Variants in LDLRAD3 observed in about 807,000 individuals in gnomAD.
LDLRAD3 encodes low-density lipoprotein receptor class A domain-containing protein 3.
LDLRAD3 carries 20 observed loss-of-function variants against 29.4 expected under a neutral mutation model. The observed-to-expected ratio is 0.68, with a 90% CI of 0.48 to 0.99. The LOEUF (loss-of-function observed/expected upper bound fraction) is 0.99. Ranked by LOEUF, LDLRAD3 falls within the 50% of genes least tolerant of loss-of-function variation. LDLRAD3 has a pLI of 0.00. For missense variants in LDLRAD3, 420 were observed against 454.3 expected (o/e 0.92, Z 0.69); for synonymous variants, 157 against 192.7 (o/e 0.81, Z 1.53).
chr11:36,215,122 T>C (rs1590362353), intron 4 of LDLRAD3, among the ~76,000 whole-genome samples: 1 of 152,018 alleles, frequency 6.6e-6, no homozygotes, highest in Non-Finnish European at 1.5e-5. Context: ...CCCTGGAAGG[T>C]CGTGCTAAGC....
intron 1 of LDLRAD3, among the ~76,000 whole-genome samples, chr11:35,963,325 A>T (rs1487068578): frequency 5.9e-5 from 9 of 152,116 alleles, no homozygotes; most frequent in Non-Finnish European, 1.5e-5. Context: ...TAAAAAAAAT[A>T]TCAAAGAACT....
intron 1 of LDLRAD3, among the ~76,000 whole-genome samples, chr11:36,022,595 T>G (rs1387259365): frequency 1.3e-5 from 2 of 152,142 alleles, no homozygotes; most frequent in Admixed American, 1.3e-4. Flanking sequence ...GTTTTATATA[T>G]AAGGAAACTG....
At chr11:36,141,006 C>CTCTCTCTCTCTCTCTT (rs1854076612) in intron 4 of LDLRAD3, among the ~76,000 whole-genome samples, 1 of 143,176 alleles carries the variant, frequency 7.0e-6, no homozygotes, top group Non-Finnish European at 1.5e-5. Context: ...CTCTCTCTCT[C>CTCTCTCTCTCTCTCTT]TCTCTCTCTC....
Position 36,229,602 on chromosome 11 carries a change from T to A in LDLRAD3, c.*205T>A. The A allele has an allele frequency of 3.7e-6, 2 of 535,790 alleles. No individual in the cohort carries two copies. Among genetic ancestry groups the A allele is most frequent in the Non-Finnish European group, 6.6e-6 (2 of 301,482 alleles). The allele number at this position is 535,790 out of a possible 1,614,324, so 33.2% of individuals were successfully genotyped here. On this transcript the variant is annotated 3_prime_UTR_variant, in exon 6 of 6. Transcript: ENST00000315571. Reference sequence around the variant, plus strand: ...CTCAGTTGACATGATCTGTTGTGCGTCTTTTCTGTCAGGTCACTCTTCCCT... The same window carrying A: ...CTCAGTTGACATGATCTGTTGTGCGACTTTTCTGTCAGGTCACTCTTCCCT...
At chr11:36,131,838 A>C (rs992319324) in intron 4 of LDLRAD3, among the ~76,000 whole-genome samples, 3 of 152,142 alleles carry the variant, frequency 2.0e-5, no homozygotes, top group African/African-American at 7.2e-5. Flanking sequence ...CATTGAACCC[A>C]CCTGGGGCCT....
At chr11:36,007,405 C>T (rs1279627165) in intron 1 of LDLRAD3, among the ~76,000 whole-genome samples, 2 of 152,154 alleles carry the variant, frequency 1.3e-5, no homozygotes, top group Non-Finnish European at 2.9e-5. Context: ...TGGAGAGACT[C>T]ATCACTTAAG....
chr11:36,061,111 T>G (rs754175576), intron 2 of LDLRAD3, among the ~76,000 whole-genome samples: 1 of 152,138 alleles, frequency 6.6e-6, no homozygotes, highest in Non-Finnish European at 1.5e-5. Flanking sequence ...GTCTTCTTCC[T>G]CTTCCTCATT....
chr11:36,201,439 T>A (rs551604600), intron 4 of LDLRAD3, among the ~76,000 whole-genome samples: 1 of 152,346 alleles, frequency 6.6e-6, no homozygotes, highest in Non-Finnish European at 1.5e-5. Flanking sequence ...GTAGTGGGAT[T>A]TTTTTGTTGT....
At chr11:35,946,555 C>G (rs937486071) in intron 1 of LDLRAD3, among the ~76,000 whole-genome samples, 25 of 152,150 alleles carry the variant, frequency 1.6e-4, no homozygotes, top group African/African-American at 5.6e-4. Context: ...AGACTAAGCC[C>G]AAGTCATGTC....
intron 4 of LDLRAD3, among the ~76,000 whole-genome samples, chr11:36,151,823 A>G (rs1156301669): frequency 1.3e-5 from 2 of 152,212 alleles, no homozygotes; most frequent in Non-Finnish European, 2.9e-5. Context: ...GAAAATAAAC[A>G]GTTCCTCCCA....
chr11:35,949,677 A>T (rs1565117829), intron 1 of LDLRAD3, among the ~76,000 whole-genome samples: 1 of 152,170 alleles, frequency 6.6e-6, no homozygotes, highest in Non-Finnish European at 1.5e-5. Flanking sequence ...AGTTCCTTTA[A>T]GACACTTTTC....
At chr11:35,994,018 A>C (rs1851721097) in intron 1 of LDLRAD3, among the ~76,000 whole-genome samples, 1 of 152,108 alleles carries the variant, frequency 6.6e-6, no homozygotes, top group African/African-American at 2.4e-5. Flanking sequence ...GTGTTGGTAA[A>C]TGGTGCCCAT....
At chr11:36,138,233 A>G (rs1854030587) in intron 4 of LDLRAD3, among the ~76,000 whole-genome samples, 1 of 152,218 alleles carries the variant, frequency 6.6e-6, no homozygotes, top group South Asian at 2.1e-4. Flanking sequence ...TGACCATAAC[A>G]TTTCTGAAAG....
intron 1 of LDLRAD3, among the ~76,000 whole-genome samples, chr11:35,971,819 G>A (rs1851416117): frequency 6.6e-6 from 1 of 152,198 alleles, no homozygotes; most frequent in Non-Finnish European, 1.5e-5. Flanking sequence ...GGACCAGGGA[G>A]ATCTACAGAG....
At position 35,944,796 on chromosome 11, in the gene LDLRAD3, C is replaced by T. The variant is rs1851035872; in HGVS notation, c.46+652C>T. ...ACGTCTGACCACCCTACTTGCCCCG[C>T]GATGGGCGCCCTGACCGGCGAGGGG... On this transcript the variant is annotated intron_variant, in intron 1 of 5. Transcript: ENST00000315571. This position sits in a 1 kb window ranked among gnomAD's most constrained non-coding sequence, Gnocchi z 4.9. 6.6e-6 allele frequency among the ~76,000 whole-genome samples: 1 copy of T among 152,230 alleles called. No individual in the cohort carries two copies. Among genetic ancestry groups the T allele is most frequent in the African/African-American group, 2.4e-5 (1 of 41,450 alleles).
chr11:36,192,229 C>G (rs1325836536), intron 4 of LDLRAD3, among the ~76,000 whole-genome samples: 1 of 152,160 alleles, frequency 6.6e-6, no homozygotes, highest in Non-Finnish European at 1.5e-5. Context: ...TGGTCTGTGA[C>G]AGTACTTGCA....
chr11:36,223,177 T>TA (rs1855452546), intron 4 of LDLRAD3, among the ~76,000 whole-genome samples: 1 of 152,316 alleles, frequency 6.6e-6, no homozygotes, highest in African/African-American at 2.4e-5. Context: ...ACCACTGAGT[T>TA]ATGCAACATC....
At chr11:35,968,446 G>GT (rs1289387508) in intron 1 of LDLRAD3, 2 of 380,174 alleles carry the variant, frequency 5.3e-6, no homozygotes. Context: ...ATTTGAGAAG[G>GT]TGTGACACTG....
At chr11:36,159,040 G>C (rs537207061) in intron 4 of LDLRAD3, among the ~76,000 whole-genome samples, 2 of 152,110 alleles carry the variant, frequency 1.3e-5, no homozygotes. Flanking sequence ...AATTTTGTAC[G>C]TGTTGGCTGC....
Sources: allele counts gnomAD v4.1 joint callset (sites outside exome capture counted in the v4.1 genomes callset), GRCh38; gene constraint gnomAD v4.1.1; non-coding constraint Gnocchi (gnomAD v3.1); transcripts MANE v1.5; gene names NCBI Gene and HGNC (gene_info 2026-07-23, HGNC 2026-07-21).